The following LAMA2 variants were observed in gnomAD, a reference collection of about 807,000 sequenced individuals.
The protein encoded by LAMA2 is laminin subunit alpha 2, also known as laminin subunit alpha-2.
A neutral mutation model predicts 364.8 loss-of-function variants in LAMA2; 269 were observed. That is an observed-to-expected ratio of 0.74 (90% CI 0.67 to 0.82). The LOEUF (loss-of-function observed/expected upper bound fraction) is 0.82. Among genes scored for constraint, LAMA2 ranks in the 40% least tolerant of loss-of-function variants. The probability of loss-of-function intolerance (pLI) is 0.00; values close to 1 mark genes in which losing one functional copy is unlikely to be tolerated. For synonymous variants in LAMA2, 1,379 were observed against 1,370.6 expected, an observed-to-expected ratio of 1.01 and a Z score of -0.14; for missense variants, 3,807 against 3,873.2, an observed-to-expected ratio of 0.98 and a Z score of 0.45.
intron 1 of LAMA2, among the ~76,000 whole-genome samples, chr6:129,030,044 C>T (rs919720002): frequency 9.9e-5 from 15 of 151,980 alleles, no homozygotes; most frequent in African/African-American, 3.6e-4. Context: ...ATTACTTTGT[C>T]TTCTAACCTG....
rs568025068 is a variant in LAMA2 at position 128,902,258 on chromosome 6, A to G, written c.112+18901A>G. 5.3e-5 allele frequency among the ~76,000 whole-genome samples: 8 copies of G among 152,350 alleles called. No individual in the cohort carries two copies. In the South Asian group the frequency reaches 1.7e-3, roughly 32 times the overall value. On this transcript the variant is annotated intron_variant, in intron 1 of 64. Transcript: ENST00000421865. ...TTTTGTGAGGACACTGAGCCAGACC[A>G]TATCACTAAGAGAATAAAAATGGAC... is the stretch of plus-strand genomic sequence containing the variant.
intron 8 of LAMA2, among the ~76,000 whole-genome samples, chr6:129,160,438 C>A (rs1244792836): frequency 6.6e-6 from 1 of 151,798 alleles, no homozygotes; most frequent in African/African-American, 2.4e-5. Flanking sequence ...TATAGATATC[C>A]CCTGTGTAAT....
chr6:129,227,925 G>A (rs773058043), intron 12 of LAMA2, among the ~76,000 whole-genome samples: 4 of 152,182 alleles, frequency 2.6e-5, no homozygotes, highest in Non-Finnish European at 5.9e-5. Flanking sequence ...TACTCCCAGA[G>A]GTGGAGTCTA....
At chr6:129,242,111 G>A (rs980937091) in intron 12 of LAMA2, among the ~76,000 whole-genome samples, 3 of 152,120 alleles carry the variant, frequency 2.0e-5, no homozygotes, top group African/African-American at 4.8e-5. Flanking sequence ...GAAGGTGTAC[G>A]TAAGCAATGA....
At chr6:129,106,784 T>C (rs1379127655) in intron 4 of LAMA2, among the ~76,000 whole-genome samples, 1 of 149,228 alleles carries the variant, frequency 6.7e-6, no homozygotes, top group African/African-American at 2.5e-5. Context: ...ATCTTTTTAA[T>C]AAAATAAAGA....
chr6:129,076,477 A>G (rs1485968215), intron 3 of LAMA2, among the ~76,000 whole-genome samples: 2 of 21,638 alleles, frequency 9.2e-5, no homozygotes, highest in Non-Finnish European at 2.7e-4. Flanking sequence ...TACATATATA[A>G]TATATCTTAT....
At position 129,190,274 on chromosome 6, in the gene LAMA2, A is replaced by G; in HGVS notation, c.1537A>G (p.Lys513Glu). The G allele has an allele frequency of 6.2e-7, 1 of 1,613,716 alleles. No individual in the cohort carries two copies. Among genetic ancestry groups the G allele is most frequent in the Non-Finnish European group, 8.5e-7 (1 of 1,179,644 alleles). Reference sequence around the variant, plus strand: ...CTTCAATTTGCAAGAGGATAATTGGAAAGGCTGCGATGAGTGTTTCTGTTC... The same window carrying G: ...CTTCAATTTGCAAGAGGATAATTGGGAAGGCTGCGATGAGTGTTTCTGTTC... ...GFFNLQEDNW[K>E]GCDECFCSGV... The change falls in exon 11 of 65, where the codon AAA (lysine) becomes GAA (glutamate). Residue 513 changes from lysine to glutamate, a missense_variant. Lys to Glu is a moderately conservative substitution (Grantham distance 56). This residue lies in a region of LAMA2 where 3,333 missense variants were observed against 3,345.7 expected (regional missense o/e 1.00). Coordinates refer to ENST00000421865, the MANE Select transcript of LAMA2 (RefSeq NM_000426.4).
At chr6:129,491,060 G>GT (rs1180980985) in intron 56 of LAMA2, 1 of 152,136 alleles carries the variant, frequency 6.6e-6, no homozygotes, top group Non-Finnish European at 1.5e-5. Flanking sequence ...AAGTACTCCG[G>GT]TTTTCTCTCC....
intron 40 of LAMA2, among the ~76,000 whole-genome samples, chr6:129,424,742 T>G (rs970325310): frequency 5.3e-5 from 8 of 152,024 alleles, no homozygotes; most frequent in Admixed American, 5.2e-4. Flanking sequence ...CATGCAGCTC[T>G]CATACACTGG....
chr6:129,441,117 C>A, intron 43 of LAMA2, 119 bp downstream of exon 43: 2 of 878,260 alleles, frequency 2.3e-6, no homozygotes, highest in Non-Finnish European at 3.7e-6. Context: ...TGCCTTCCTT[C>A]TTTCATAGAT....
intron 1 of LAMA2, among the ~76,000 whole-genome samples, chr6:128,964,352 G>A (rs951779275): frequency 2.0e-5 from 3 of 151,978 alleles, no homozygotes; most frequent in African/African-American, 7.2e-5. Flanking sequence ...CTTTCTGATA[G>A]GCTCTAATTG....
At chr6:129,279,632 A>G (rs117610792) in intron 17 of LAMA2, among the ~76,000 whole-genome samples, 1 of 152,184 alleles carries the variant, frequency 6.6e-6, no homozygotes, top group African/African-American at 2.4e-5. Flanking sequence ...AAGCACTGCC[A>G]CCACCACTAC....
chr6:129,295,646 G>A (rs547227758), intron 20 of LAMA2, among the ~76,000 whole-genome samples: 151 of 151,834 alleles, frequency 9.9e-4, no homozygotes, highest in African/African-American at 3.5e-3. Context: ...TTACATAATC[G>A]ACTTTGGAAT....
intron 1 of LAMA2, among the ~76,000 whole-genome samples, chr6:128,913,900 C>T (rs1171681740): frequency 1.3e-5 from 2 of 152,058 alleles, no homozygotes; most frequent in South Asian, 4.1e-4. Context: ...GTCTTAGTTA[C>T]CTTTTGAGGG....
At chr6:129,090,509 A>G (rs529779809) in intron 3 of LAMA2, among the ~76,000 whole-genome samples, 1 of 152,172 alleles carries the variant, frequency 6.6e-6, no homozygotes, top group Non-Finnish European at 1.5e-5. Flanking sequence ...GAAGTCACAT[A>G]CTGCATTTGT....
chr6:129,054,139 G>A (rs1788296501), intron 2 of LAMA2, among the ~76,000 whole-genome samples: 1 of 152,210 alleles, frequency 6.6e-6, no homozygotes, highest in African/African-American at 2.4e-5. Flanking sequence ...TCATTAAGAT[G>A]TAAATCTGGG....
At chr6:129,068,955 ATGT>A (rs1773119887) in intron 3 of LAMA2, among the ~76,000 whole-genome samples, 1 of 152,202 alleles carries the variant, frequency 6.6e-6, no homozygotes, top group Non-Finnish European at 1.5e-5. Flanking sequence ...AATGTAGGAT[ATGT>A]ATTTTGATCT....
At chr6:129,260,601 C>A in intron 14 of LAMA2, 110 bp from the exon 15 acceptor site, 1 of 775,678 alleles carries the variant, frequency 1.3e-6, no homozygotes, top group East Asian at 2.5e-5. Flanking sequence ...CTTCCTTTCT[C>A]AGCATGCATA....
chr6:129,023,480 GAA>G (rs2114718924), intron 1 of LAMA2, among the ~76,000 whole-genome samples: 1 of 152,082 alleles, frequency 6.6e-6, no homozygotes, highest in South Asian at 2.1e-4. Context: ...AGTGTATTTT[GAA>G]AAGTCTAACA....
Sources: allele counts gnomAD v4.1 joint callset (sites outside exome capture counted in the v4.1 genomes callset), GRCh38; gene constraint gnomAD v4.1.1; regional missense constraint gnomAD v4.1.1; transcripts MANE v1.5; gene names NCBI Gene and HGNC (gene_info 2026-07-23, HGNC 2026-07-21).